Variants in PLEKHA7 observed in about 807,000 individuals in gnomAD.
PLEKHA7 encodes pleckstrin homology domain containing A7, also known as pleckstrin homology domain-containing family A member 7.
PLEKHA7 carries 104 observed loss-of-function variants against 170.0 expected under a neutral mutation model. The observed-to-expected ratio is 0.61, with a 90% CI of 0.52 to 0.72. The LOEUF is 0.72. Ranked by LOEUF, PLEKHA7 falls within the 30% of genes least tolerant of loss-of-function variation. The probability of loss-of-function intolerance (pLI) is 0.00; values close to 1 mark genes in which losing one functional copy is unlikely to be tolerated. For synonymous variants in PLEKHA7, 648 were observed against 660.8 expected (o/e 0.98, Z 0.30); for missense variants, 1,615 against 1,671.7 (o/e 0.97, Z 0.59).
intron 3 of PLEKHA7, among the ~76,000 whole-genome samples, chr11:16,990,273 C>CAA (rs550741646): frequency 3.4e-4 from 21 of 62,682 alleles, no homozygotes; most frequent in East Asian, 1.3e-3. Context: ...GACCCTGTCT[C>CAA]AAAAAAAAAA....
intron 3 of PLEKHA7, among the ~76,000 whole-genome samples, chr11:16,964,688 A>G (rs1387341295): frequency 6.6e-6 from 1 of 152,192 alleles, no homozygotes; most frequent in Non-Finnish European, 1.5e-5. Flanking sequence ...TGCTTCTGAA[A>G]ATCAGAGCAC....
chr11:16,849,682 A>C (rs1852759853), intron 8 of PLEKHA7, among the ~76,000 whole-genome samples: 1 of 152,248 alleles, frequency 6.6e-6, no homozygotes, highest in Non-Finnish European at 1.5e-5. Context: ...GTCATCTTCC[A>C]GCTTTGTGAC....
chr11:16,922,439 T>G (rs1859167503), intron 3 of PLEKHA7, among the ~76,000 whole-genome samples: 1 of 152,174 alleles, frequency 6.6e-6, no homozygotes, highest in African/African-American at 2.4e-5. Flanking sequence ...GAGACTGAAT[T>G]TGAGCCCAAG....
intron 25 of PLEKHA7, among the ~76,000 whole-genome samples, chr11:16,783,364 C>T (rs1337659730): frequency 6.6e-6 from 1 of 152,208 alleles, no homozygotes; most frequent in Non-Finnish European, 1.5e-5. Context: ...TGCTGGCAGG[C>T]CATCACTGGA....
chr11:16,890,716 G>A (rs1856551075), intron 3 of PLEKHA7, among the ~76,000 whole-genome samples: 3 of 152,042 alleles, frequency 2.0e-5, no homozygotes, highest in South Asian at 4.1e-4. Context: ...TGAGGTAACA[G>A]TTATTACTGA....
At chr11:16,938,231 G>A (rs1051632746) in intron 3 of PLEKHA7, among the ~76,000 whole-genome samples, 1 of 152,044 alleles carries the variant, frequency 6.6e-6, no homozygotes, top group African/African-American at 2.4e-5. Flanking sequence ...GAATGAACAG[G>A]GTGCCCTTTG....
intron 4 of PLEKHA7, among the ~76,000 whole-genome samples, chr11:16,866,134 A>G (rs1854373500): frequency 6.6e-6 from 1 of 151,906 alleles, no homozygotes; most frequent in Non-Finnish European, 1.5e-5. Context: ...CAGCCCAAAA[A>G]ATACTTCTGA....
intron 24 of PLEKHA7, among the ~76,000 whole-genome samples, chr11:16,785,996 C>T (rs979089314): frequency 1.3e-5 from 2 of 152,218 alleles, no homozygotes; most frequent in African/African-American, 4.8e-5. Context: ...GAAACTGAAG[C>T]ACAGAGAAGC....
intron 3 of PLEKHA7, among the ~76,000 whole-genome samples, chr11:17,003,245 C>T (rs1864786241): frequency 6.6e-6 from 1 of 152,156 alleles, no homozygotes; most frequent in African/African-American, 2.4e-5. Context: ...CCCACTTTGG[C>T]ATCCCAAAGT....
At chr11:16,875,637 G>A (rs1458565209) in intron 3 of PLEKHA7, among the ~76,000 whole-genome samples, 1 of 151,824 alleles carries the variant, frequency 6.6e-6, no homozygotes, top group Non-Finnish European at 1.5e-5. Context: ...TAGAGATGGG[G>A]TTTCACCATG....
chr11:16,999,572 G>T (rs753112614), intron 3 of PLEKHA7, among the ~76,000 whole-genome samples: 3 of 152,008 alleles, frequency 2.0e-5, no homozygotes, highest in Non-Finnish European at 4.4e-5. Flanking sequence ...CCTGGGTAAC[G>T]GGGTGTACAT....
intron 3 of PLEKHA7, among the ~76,000 whole-genome samples, chr11:16,957,056 G>A (rs1365897943): frequency 1.3e-5 from 2 of 152,220 alleles, no homozygotes; most frequent in Non-Finnish European, 2.9e-5. Context: ...GATGAGATAA[G>A]ACTCAGGTAA....
chr11:16,905,999 C>G (rs1857635926), intron 3 of PLEKHA7, among the ~76,000 whole-genome samples: 1 of 151,734 alleles, frequency 6.6e-6, no homozygotes, highest in Non-Finnish European at 1.5e-5. Context: ...CAGCTCTTCT[C>G]ATTCAGGCTC....
At chr11:16,945,237 CAA>C (rs36021771) in intron 3 of PLEKHA7, among the ~76,000 whole-genome samples, 7 of 152,130 alleles carry the variant, frequency 4.6e-5, no homozygotes, top group Admixed American at 3.9e-4. Flanking sequence ...TGCCCGGCCC[CAA>C]AAGAGTTAAT....
chr11:16,880,916 G>A (rs902519716), intron 3 of PLEKHA7, among the ~76,000 whole-genome samples: 2 of 152,092 alleles, frequency 1.3e-5, no homozygotes, highest in African/African-American at 4.8e-5. Context: ...AAGATGCTGC[G>A]GTTCATCTCA....
chr11:16,791,108 G>A lies in PLEKHA7; in HGVS notation c.2837C>T (p.Thr946Ile). ...PAVPPLPREA[T>I]IIRHTSVRGL... Reference sequence around the variant, plus strand: ...CCGCACAGATGTGTGCCGGATGATGGTGGCCTCTCTTGGCAGAGGCGGCAC... The same window carrying A: ...CCGCACAGATGTGTGCCGGATGATGATGGCCTCTCTTGGCAGAGGCGGCAC... The change falls in exon 20 of 27, where the codon ACC becomes ATC. Residue 946 changes from threonine (T) to isoleucine (I), a missense_variant. By Grantham distance (89) the Thr-to-Ile change is moderately conservative. Transcript: ENST00000531066. This position sits in a 1 kb window ranked among gnomAD's most constrained non-coding sequence, Gnocchi z 4.5. The A allele has an allele frequency of 6.2e-7, 1 of 1,614,154 alleles. No individual in the cohort carries two copies. Among genetic ancestry groups the A allele is most frequent in the South Asian group, 1.1e-5 (1 of 91,084 alleles).
At chr11:16,820,365 T>C (rs541211204) in intron 10 of PLEKHA7, among the ~76,000 whole-genome samples, 15 of 152,348 alleles carry the variant, frequency 9.8e-5, no homozygotes, top group African/African-American at 3.6e-4. Context: ...TTTGAAATAG[T>C]TGTCATTCAA....
intron 3 of PLEKHA7, among the ~76,000 whole-genome samples, chr11:17,011,599 C>T (rs370053338): frequency 5.3e-5 from 8 of 152,042 alleles, no homozygotes; most frequent in Non-Finnish European, 8.8e-5. Context: ...TTTCTCCTAC[C>T]TTCTCAGTCC....
At chr11:16,952,236 CA>C (rs1483049102) in intron 3 of PLEKHA7, among the ~76,000 whole-genome samples, 2 of 152,150 alleles carry the variant, frequency 1.3e-5, no homozygotes, top group Admixed American at 6.6e-5. Flanking sequence ...AAGGACCATG[CA>C]GGACTTTGGG....
Sources: allele counts gnomAD v4.1 joint callset (sites outside exome capture counted in the v4.1 genomes callset), GRCh38; gene constraint gnomAD v4.1.1; non-coding constraint Gnocchi (gnomAD v3.1); transcripts MANE v1.5; gene names NCBI Gene and HGNC (gene_info 2026-07-23, HGNC 2026-07-21).